The following POLG variants were observed in gnomAD, a reference collection of about 807,000 sequenced individuals.
POLG encodes DNA polymerase subunit gamma-1.
POLG carries 110 observed loss-of-function variants against 155.4 expected under a neutral mutation model. That is an observed-to-expected ratio of 0.71 (90% CI 0.61 to 0.83). The LOEUF is 0.83. POLG is among the 40% of genes least tolerant of loss of function. The probability of loss-of-function intolerance (pLI) is 0.00; values close to 1 mark genes in which losing one functional copy is unlikely to be tolerated. For synonymous variants in POLG, 701 were observed against 631.5 expected (o/e 1.11, Z -1.65); for missense variants, 1,685 against 1,627.5 (o/e 1.04, Z -0.61).
intron 2 of POLG, 72 bp from the exon 3 acceptor site, chr15:89,330,348 A>G (rs2055578283): frequency 8.7e-7 from 1 of 1,148,592 alleles, no homozygotes; most frequent in South Asian, 1.3e-5. Context: ...ACCACTGCAC[A>G]CCTACCGCCA....
In POLG at chr15:89,316,356, C is replaced by T. The variant is rs772612303; in HGVS notation, c.*395G>A. 3.8e-6 allele frequency: 6 copies of T among 1,574,854 alleles called. No individual in the cohort carries two copies. The highest frequency in any genetic ancestry group is 3.4e-5 in the South Asian group (3 of 87,990). Reference sequence around the variant, plus strand: ...TCTTTTTATTTCCACTGCCTTGGAGCAGGTTTATCACGTTAGAGCATTAAT... The same window carrying T: ...TCTTTTTATTTCCACTGCCTTGGAGTAGGTTTATCACGTTAGAGCATTAAT... On this transcript the variant is annotated 3_prime_UTR_variant, in exon 23 of 23. Coordinates refer to ENST00000268124, the MANE Select transcript of POLG (RefSeq NM_002693.3).
At chr15:89,330,423 C>G in intron 2 of POLG, 147 bp from the exon 3 acceptor site, 1 of 713,840 alleles carries the variant, frequency 1.4e-6, no homozygotes, top group Non-Finnish European at 2.5e-6. Context: ...CTAACTCAAA[C>G]AGCTACAGGT....
Position 89,325,482 on chromosome 15 carries a change from G to A in POLG, c.1917C>T (p.Thr639=), listed in dbSNP as rs769593311. Reference sequence around the variant, plus strand: ...GGCAGACCACCCCAGCTGACTCCAGGGTGGTACCTGTCGGCAGCTTGGCCA... The same window carrying A: ...GGCAGACCACCCCAGCTGACTCCAGAGTGGTACCTGTCGGCAGCTTGGCCA... ...DNLAKLPTGT[T]LESAGVVCPY... The change falls in exon 10 of 23, where the codon ACC becomes ACT. Residue 639 remains threonine, a synonymous_variant. Transcript: ENST00000268124. The A allele has an allele frequency of 1.2e-6, 2 of 1,607,066 alleles. No individual in the cohort carries two copies. Among genetic ancestry groups the A allele is most frequent in the Non-Finnish European group, 1.7e-6 (2 of 1,179,900 alleles).
chr15:89,326,663 C>T lies in POLG; in HGVS notation c.1661G>A (p.Gly554Glu). 2 of 1,614,036 alleles carry T rather than the reference C, an allele frequency of 1.2e-6. No homozygotes were observed. Among genetic ancestry groups the T allele is most frequent in the Non-Finnish European group, 1.7e-6 (2 of 1,180,000 alleles). The change falls in exon 9 of 23, where the codon GGG becomes GAG. Residue 554 changes from glycine (G) to glutamate (E), a missense_variant. Physicochemically the swap from Gly to Glu is moderately conservative, Grantham distance 98. Coordinates refer to ENST00000268124, the MANE Select transcript of POLG (RefSeq NM_002693.3). The stretch of plus-strand genomic sequence containing the variant: ...CCGCTTGGGCAGGAGCTCTGTGGTC[C>T]CCTTCAGCTTCTGCAAGCAGGCGCG... The part of the protein sequence containing the change: ...MARACLQKLK[G>E]TTELLPKRPQ...
Position 89,318,701 on chromosome 15 carries a change from A to C in POLG, c.3322T>G (p.Tyr1108Asp). 6.2e-7 allele frequency: 1 copy of C among 1,614,214 alleles called. No individual in the cohort carries two copies. Residue 1108 changes from tyrosine (Y) to aspartate (D), a missense_variant, in exon 21 of 23, where the codon TAC becomes GAC. Tyr to Asp is a radical substitution (Grantham distance 160). This residue lies in a region of POLG where 470 missense variants were observed against 439.9 expected (regional missense o/e 1.07). Transcript: ENST00000268124. ...ATGGCCACAAGCATGAGGTGTAAGTAGTCAACAGCAGAGCTCTGTACCACC... is the reference window on the plus strand; with the variant it reads ...ATGGCCACAAGCATGAGGTGTAAGTCGTCAACAGCAGAGCTCTGTACCACC... ...NWVVQSSAVD[Y>D]LHLMLVAMKW... is the part of the protein sequence containing the mutation.
intron 14 of POLG, 98 bp from the exon 15 acceptor site, chr15:89,322,113 TATACTCC>T: frequency 9.0e-7 from 1 of 1,115,528 alleles, no homozygotes; most frequent in Non-Finnish European, 1.4e-6. Flanking sequence ...CCAGGACTGC[TATACTCC>T]ATTACCCAGC....
intron 9 of POLG, 51 bp from the exon 10 acceptor site, chr15:89,325,737 G>A (rs1433854009): frequency 8.8e-6 from 12 of 1,368,128 alleles, no homozygotes; most frequent in Non-Finnish European, 1.2e-5. Flanking sequence ...GGCAGTTGTT[G>A]GGGGGAAGGT....
Position 89,328,698 on chromosome 15 carries a change from C to G in POLG, c.1157G>C (p.Arg386Pro). 3 of 1,614,144 alleles carry G rather than the reference C, an allele frequency of 1.9e-6. No individual in the cohort carries two copies. The highest frequency in any genetic ancestry group is 2.5e-6 in the Non-Finnish European group (3 of 1,180,038). Residue 386 changes from arginine (R) to proline (P), a missense_variant, in exon 5 of 23, where the codon CGT (arginine) becomes CCT (proline). Around this residue, in one of 3 missense-constraint regions of POLG, gnomAD observed 1,210 missense variants for 1,167.1 expected, o/e 1.04. Transcript: ENST00000268124. The stretch of plus-strand genomic sequence containing the variant: ...CCAGCACCATACCTGGAAGTTCTCA[C>G]GAATGTCCTTCATGGTGCCCTTCAC... ...LFVKGTMKDI[R>P]ENFQDLMQYC...
chr15:89,317,672 C>G, intron 21 of POLG, 136 bp from the exon 22 acceptor site: 2 of 849,604 alleles, frequency 2.4e-6, no homozygotes, highest in Middle Eastern at 3.0e-4. Context: ...TTAGCTAAGT[C>G]AAGAAAGGTG....
At position 89,327,190 on chromosome 15, in the gene POLG, G is replaced by C; in HGVS notation, c.1410C>G (p.Ala470=). 2 of 1,614,234 alleles carry C rather than the reference G, an allele frequency of 1.2e-6. No individual in the cohort carries two copies. The highest frequency in any genetic ancestry group is 8.5e-7 in the Non-Finnish European group (1 of 1,180,044). The part of the protein sequence containing the change: ...KKSLMDLAND[A]CQLLSGERYK... ...ACCTCTCTCCTGAGAGCAGCTGGCA[G>C]GCATCATTGGCCAGATCCATCAACG... is the stretch of plus-strand genomic sequence containing the variant. Residue 470 remains alanine, a synonymous_variant, in exon 7 of 23, where the codon GCC becomes GCG. Coordinates refer to ENST00000268124, the MANE Select transcript of POLG (RefSeq NM_002693.3).
rs749805848 is a variant in POLG at position 89,326,660 on chromosome 15, G to A, written c.1664C>T (p.Thr555Ile). The A allele has an allele frequency of 6.2e-7, 1 of 1,614,072 alleles. No homozygotes were observed. Among genetic ancestry groups the A allele is most frequent in the Admixed American group, 1.7e-5 (1 of 60,022 alleles). ...GGGCCGCTTGGGCAGGAGCTCTGTG[G>A]TCCCCTTCAGCTTCTGCAAGCAGGC... ...ARACLQKLKG[T>I]TELLPKRPQH... The change falls in exon 9 of 23, where the codon ACC becomes ATC. Residue 555 changes from threonine (T) to isoleucine (I), a missense_variant. Transcript: ENST00000268124.
In POLG at chr15:89,333,629, C is replaced by CTG; in HGVS notation, c.125_126insCA (p.Gln43SerfsTer224). ...GCTGCTGCTGCTGCTGCTGCTGCTG[C>CTG]CGCCGCCGCTGCCCGTCGCTGGGGT... is the stretch of plus-strand genomic sequence containing the variant. On this transcript the variant is annotated frameshift_variant, in exon 2 of 23. Coordinates refer to ENST00000268124, the MANE Select transcript of POLG (RefSeq NM_002693.3). LOFTEE classifies it high-confidence loss of function. The CTG allele has an allele frequency of 6.3e-7, 1 of 1,594,512 alleles. No individual in the cohort carries two copies. Among genetic ancestry groups the CTG allele is most frequent in the South Asian group, 1.1e-5 (1 of 89,938 alleles).
chr15:89,317,679 G>T, intron 21 of POLG, 143 bp from the exon 22 acceptor site: 1 of 805,296 alleles, frequency 1.2e-6, no homozygotes, highest in South Asian at 1.4e-5. Context: ...AGTCAAGAAA[G>T]GTGAAGGTCC....
In POLG at chr15:89,330,075, C is replaced by T; in HGVS notation, c.855+6G>A. 1 of 1,613,214 alleles carries T rather than the reference C, an allele frequency of 6.2e-7. No homozygotes were observed. ...CAGAACCTGCAGTTGGCCCCAGGAA[C>T]CTTACCTGGATCAGGTACTGCTCCC... On this transcript the variant is annotated splice_donor_region_variant and intron_variant, in intron 3 of 22. Transcript: ENST00000268124.
At chr15:89,326,849 C>CA in intron 8 of POLG, 63 bp downstream of exon 8, 3 of 1,608,996 alleles carry the variant, frequency 1.9e-6, no homozygotes, top group Non-Finnish European at 2.6e-6. Context: ...AGGACCCCCT[C>CA]AATCACAGGA....
chr15:89,321,593 G>A (rs950253478), intron 16 of POLG, 143 bp downstream of exon 16: 12 of 786,626 alleles, frequency 1.5e-5, no homozygotes, highest in Non-Finnish European at 2.5e-5. Flanking sequence ...AAATCATGAA[G>A]CCAGATTTGA....
chr15:89,330,405 G>A (rs2141807233), intron 2 of POLG, 129 bp from the exon 3 acceptor site: 1 of 766,288 alleles, frequency 1.3e-6, no homozygotes, highest in East Asian at 2.7e-5. Flanking sequence ...TGAGACCAAA[G>A]GGTGCTCCTA....
intron 21 of POLG, chr15:89,317,928 C>CTGT: frequency 3.0e-6 from 1 of 330,668 alleles, no homozygotes; most frequent in South Asian, 2.7e-5. Flanking sequence ...TTGTAAACAT[C>CTGT]TGTTATTTAC....
chr15:89,329,323 A>AGC (rs1344796306), intron 3 of POLG, among the ~76,000 whole-genome samples: 2 of 152,208 alleles, frequency 1.3e-5, no homozygotes, highest in African/African-American at 4.8e-5. Flanking sequence ...CCCAAATCCT[A>AGC]GCCACCCTTT....
Sources: allele counts gnomAD v4.1 joint callset (sites outside exome capture counted in the v4.1 genomes callset), GRCh38; gene constraint gnomAD v4.1.1; regional missense constraint gnomAD v4.1.1; transcripts MANE v1.5; gene names NCBI Gene and HGNC (gene_info 2026-07-23, HGNC 2026-07-21).